DEFB110: variants seen among roughly 807,000 people sequenced by gnomAD.
DEFB110 encodes the protein defensin beta 110.
A neutral mutation model predicts 2.5 loss-of-function variants in DEFB110; 4 were observed. That is an observed-to-expected ratio of 1.60 (90% CI 0.79 to 3.66). The LOEUF (loss-of-function observed/expected upper bound fraction) is 3.66, where lower values mean the gene tolerates loss of function less well. Ranked by LOEUF, DEFB110 falls within the 30% of genes most tolerant of loss-of-function variation. The probability of loss-of-function intolerance (pLI) is 0.01; values close to 1 mark genes in which losing one functional copy is unlikely to be tolerated. For synonymous variants in DEFB110, 29 were observed against 21.8 expected (o/e 1.33, Z -0.92); for missense variants, 94 against 75.4 (o/e 1.25, Z -0.91).
rs747966795 is a variant in DEFB110 at position 50,009,168 on chromosome 6, G to T, written c.159C>A (p.Cys53Ter). 1.9e-6 allele frequency: 3 copies of T among 1,610,464 alleles called. No homozygotes were observed. The highest frequency in any genetic ancestry group is 2.5e-6 in the Non-Finnish European group (3 of 1,179,228). Residue 53 changes from cysteine to a stop codon, truncating the protein, a stop_gained, in exon 2 of 2, where the codon TGC becomes TGA. Coordinates refer to the DEFB110 transcript ENST00000393660. LOFTEE classifies it high-confidence loss of function. Reference sequence around the variant, plus strand: ...CGCAGCACTGACTTCTCCATTTAATGCAGTATCCATAATCATACTCAACAT... The same window carrying T: ...CGCAGCACTGACTTCTCCATTTAATTCAGTATCCATAATCATACTCAACAT...
chr6:50,010,159 A>C (rs1468351651), intron 1 of DEFB110, among the ~76,000 whole-genome samples: 1 of 152,030 alleles, frequency 6.6e-6, no homozygotes, highest in Admixed American at 6.6e-5. Flanking sequence ...CATAATTGTC[A>C]GAAATATATT....
chr6:50,009,528 T>A (rs1005575995), intron 1 of DEFB110, among the ~76,000 whole-genome samples: 1 of 152,318 alleles, frequency 6.6e-6, no homozygotes, highest in Admixed American at 6.5e-5. Context: ...TGGCTCAGTC[T>A]ACAGTAACAA....
rs185783392 is a variant in DEFB110, at chr6:50,013,287, T to C, written c.56-4016A>G. Among the ~76,000 whole-genome samples the C allele has an allele frequency of 2.7e-3, 403 of 151,906 alleles. 3 individuals carry two copies. Among genetic ancestry groups the C allele is most frequent in the Admixed American group, 7.6e-3 (115 of 15,206 alleles). ...GACAGGTGGCTGGATCTTTAAAAGA[T>C]AAAAGCATATTTTCCTGAAATTGTG... On this transcript the variant is annotated intron_variant, in intron 1 of 1. Coordinates refer to the DEFB110 transcript ENST00000393660.
chr6:50,017,526 G>C (rs113969290), downstream of DEFB110, among the ~76,000 whole-genome samples: 356 of 151,918 alleles, frequency 2.3e-3, 3 homozygotes, highest in African/African-American at 6.2e-3. Context: ...TAAGGATGCT[G>C]AAAAACATAT....
chr6:50,021,022 A>C, intron 1 of DEFB110, among the ~76,000 whole-genome samples: 1 of 151,956 alleles, frequency 6.6e-6, no homozygotes, highest in East Asian at 1.9e-4. Context: ...CCTTTCTAAA[A>C]CATTATTGTC....
downstream of DEFB110, among the ~76,000 whole-genome samples, chr6:50,017,807 A>G (rs569130635): frequency 2.0e-5 from 3 of 151,850 alleles, no homozygotes; most frequent in South Asian, 4.3e-4. Context: ...GGATCCACAG[A>G]GAGGCCATAA....
chr6:50,014,097 C>T (rs998060137), downstream of DEFB110, among the ~76,000 whole-genome samples: 1 of 151,806 alleles, frequency 6.6e-6, no homozygotes, highest in Non-Finnish European at 1.5e-5. Flanking sequence ...AGAGACAACA[C>T]ATTGGAGGCC....
chr6:50,011,595 C>G (rs1774229300), intron 1 of DEFB110, among the ~76,000 whole-genome samples: 1 of 152,024 alleles, frequency 6.6e-6, no homozygotes, highest in Non-Finnish European at 1.5e-5. Flanking sequence ...CTTAAAAGCG[C>G]AGTGGTCTCC....
At chr6:50,019,185 A>T in intron 1 of DEFB110, 60 bp from the exon 2 acceptor site, 14 of 1,541,374 alleles carry the variant, frequency 9.1e-6, no homozygotes, top group Non-Finnish European at 1.1e-5. Flanking sequence ...CCATGTTTTA[A>T]AAGGAGAAAG....
At chr6:50,011,578 G>A (rs1437860817) in intron 1 of DEFB110, among the ~76,000 whole-genome samples, 2 of 152,038 alleles carry the variant, frequency 1.3e-5, no homozygotes, top group African/African-American at 4.8e-5. Flanking sequence ...CTGTTCGAAA[G>A]CTAGAGCTTA....
downstream of DEFB110, among the ~76,000 whole-genome samples, chr6:50,013,910 G>A (rs989186157): frequency 3.1e-4 from 47 of 151,792 alleles, no homozygotes; most frequent in African/African-American, 1.1e-3. Flanking sequence ...ATATGATTTC[G>A]TTCTGGACAA....
intron 1 of DEFB110, among the ~76,000 whole-genome samples, chr6:50,013,409 A>G (rs935591793): frequency 9.2e-5 from 14 of 151,996 alleles, no homozygotes; most frequent in East Asian, 1.9e-4. Context: ...TTTTAGCACA[A>G]TAGAAATTAT....
At chr6:50,015,891 T>C (rs543250799), downstream of DEFB110, among the ~76,000 whole-genome samples, 1 of 151,978 alleles carries the variant, frequency 6.6e-6, no homozygotes, top group East Asian at 1.9e-4. Flanking sequence ...TTGACATTGA[T>C]CTTTTTGGAA....
At chr6:50,019,467 G>C (rs752600403) in intron 1 of DEFB110, among the ~76,000 whole-genome samples, 18 of 152,014 alleles carry the variant, frequency 1.2e-4, no homozygotes, top group Non-Finnish European at 1.6e-4. Context: ...CCTGTTCTCT[G>C]CTCTCACTAA....
intron 1 of DEFB110, 129 bp downstream of exon 1, chr6:50,021,751 TA>T: frequency 2.2e-6 from 2 of 893,744 alleles, no homozygotes; most frequent in Non-Finnish European, 3.3e-6. Flanking sequence ...GAGTCCAATC[TA>T]AAATACCACA....
At chr6:50,013,545 T>G (rs1774267104) in intron 1 of DEFB110, among the ~76,000 whole-genome samples, 1 of 151,830 alleles carries the variant, frequency 6.6e-6, no homozygotes, top group Non-Finnish European at 1.5e-5. Flanking sequence ...TTTTCAATTT[T>G]TTTTCTCTTT....
chr6:50,021,978 T>C lies in DEFB110; in HGVS notation c.-43A>G. On this transcript the variant is annotated 5_prime_UTR_variant, in exon 1 of 2. Transcript: ENST00000371148. ...AAAAAGGGGGCAACAGACCTCCTTT[T>C]TCAAGTCAGTTGTTTTGAAATAAGG... 4.1e-6 allele frequency: 6 copies of C among 1,479,218 alleles called. No homozygotes were observed. Among genetic ancestry groups the C allele is most frequent in the Non-Finnish European group, 5.4e-6 (6 of 1,106,628 alleles). The allele number at this position is 1,479,218 out of a possible 1,614,324, so 91.6% of individuals were successfully genotyped here.
chr6:50,013,959 G>A (rs568260805), downstream of DEFB110, among the ~76,000 whole-genome samples: 8 of 151,850 alleles, frequency 5.3e-5, no homozygotes, highest in South Asian at 2.1e-4. Flanking sequence ...CAGTAGGTTC[G>A]GTAAGTAGTA....
At chr6:50,016,645 G>A (rs987176652), downstream of DEFB110, among the ~76,000 whole-genome samples, 1 of 151,516 alleles carries the variant, frequency 6.6e-6, no homozygotes, top group African/African-American at 2.4e-5. Flanking sequence ...AAGGAAGCAG[G>A]CTGAAGAACT....
Sources: gnomAD v4.1 joint callset for allele counts (sites outside exome capture counted in the v4.1 genomes callset) on GRCh38, gnomAD v4.1.1 for gene constraint, MANE v1.5 for transcripts, NCBI Gene and HGNC (gene_info 2026-07-23, HGNC 2026-07-21) for gene names.